CYGB: variants seen among roughly 807,000 people sequenced by gnomAD.
CYGB encodes the protein cytoglobin.
A neutral mutation model predicts 20.7 loss-of-function variants in CYGB; 13 were observed. That is an observed-to-expected ratio of 0.63 (90% CI 0.41 to 1.00). The LOEUF is 1.00. Among genes scored for constraint, CYGB ranks in the 50% least tolerant of loss-of-function variants. The pLI is 0.00. For missense variants in CYGB, 218 were observed against 257.2 expected, an observed-to-expected ratio of 0.85 and a Z score of 1.04; for synonymous variants, 93 against 107.4, an observed-to-expected ratio of 0.87 and a Z score of 0.83.
chr17:76,531,874 A>C lies in CYGB; in HGVS notation c.144-183T>G. The C allele has an allele frequency of 1.8e-6, 1 of 556,986 alleles. No homozygotes were observed. The allele number at this position is 556,986 out of a possible 1,614,324, so 34.5% of individuals were successfully genotyped here. A position where few individuals can be genotyped will look rare whatever the true frequency, so the allele number is the denominator to read the frequency against. ...CTCCTCCCTCTGGCCAAGCCGGCTC[A>C]CCCCTACCAAGTCTGGCCATGTCTA... On this transcript the variant is annotated intron_variant, in intron 1 of 3. Transcript: ENST00000293230. The surrounding 1 kb of genome is among the most constrained non-coding windows in gnomAD (Gnocchi z 7.4).
At chr17:76,544,918 C>T (rs572748485) in intron 1 of CYGB, 7 of 456,752 alleles carry the variant, frequency 1.5e-5, no homozygotes, top group South Asian at 3.1e-5. Flanking sequence ...CGAGAACCTG[C>T]GCAGGAGGTG....
chr17:76,547,727 TCA>T (rs574997747), intron 1 of CYGB, among the ~76,000 whole-genome samples: 112 of 121,660 alleles, frequency 9.2e-4, no homozygotes, highest in African/African-American at 3.0e-3. Context: ...ACACATACAT[TCA>T]CACACACACA....
chr17:76,548,072 A>G (rs1482033747), intron 1 of CYGB, among the ~76,000 whole-genome samples: 2 of 152,030 alleles, frequency 1.3e-5, no homozygotes, highest in South Asian at 2.1e-4. Context: ...ACAGACATAC[A>G]TGTACACACA....
chr17:76,540,920 C>T (rs922747497), upstream of CYGB, among the ~76,000 whole-genome samples: 7 of 152,206 alleles, frequency 4.6e-5, no homozygotes, highest in Non-Finnish European at 1.0e-4. The surrounding 1 kb of genome is among the most constrained non-coding windows in gnomAD (Gnocchi z 5.0). Flanking sequence ...TTTCCTTGCC[C>T]TTCCCCCTCC....
At chr17:76,539,113 G>T (rs911792295), upstream of CYGB, among the ~76,000 whole-genome samples, 4 of 152,074 alleles carry the variant, frequency 2.6e-5, no homozygotes, top group Non-Finnish European at 5.9e-5. Flanking sequence ...GCCTCCTGGG[G>T]GTCTTGGAGG....
intron 1 of CYGB, chr17:76,532,190 C>G (rs1379891124): frequency 6.3e-6 from 1 of 159,638 alleles, no homozygotes; most frequent in East Asian, 1.8e-4. Context: ...ACCGGGCATT[C>G]CAGACTTCTG....
chr17:76,543,812 C>G (rs953532247), intron 1 of CYGB: 20 of 470,954 alleles, frequency 4.2e-5, no homozygotes, highest in Non-Finnish European at 8.4e-5. Flanking sequence ...GTTCCCAGAG[C>G]TCATCCTGTC....
At chr17:76,544,714 G>C (rs1242596665) in intron 1 of CYGB, 1 of 456,676 alleles carries the variant, frequency 2.2e-6, no homozygotes, top group Non-Finnish European at 4.4e-6. Flanking sequence ...CTGTTCCCGG[G>C]ACCCAGTCTG....
intron 3 of CYGB, chr17:76,529,236 C>T: frequency 1.0e-6 from 1 of 985,456 alleles, no homozygotes; most frequent in African/African-American, 1.7e-5. Flanking sequence ...GCTCTGCAGG[C>T]TCAGGCCAGG....
chr17:76,537,190 T>C (rs1323318053), intron 1 of CYGB, among the ~76,000 whole-genome samples: 1 of 152,206 alleles, frequency 6.6e-6, no homozygotes, highest in Non-Finnish European at 1.5e-5. Context: ...TCCTAGATCC[T>C]GGTGAACACC....
upstream of CYGB, chr17:76,540,250 T>TGGGGGGGGGGGGGGGGGGGGGTGGGGGGG: frequency 2.2e-6 from 1 of 463,680 alleles, no homozygotes; most frequent in Non-Finnish European, 3.6e-6. This position sits in a 1 kb window ranked among gnomAD's most constrained non-coding sequence, Gnocchi z 5.0. Context: ...TGGCGGTTGG[T>TGGGGGGGGGGGGGGGGGGGGGTGGGGGGG]CGGGGGGGGG....
chr17:76,539,138 G>T (rs1040423963), upstream of CYGB, among the ~76,000 whole-genome samples: 2 of 152,026 alleles, frequency 1.3e-5, no homozygotes, highest in African/African-American at 2.4e-5. Flanking sequence ...GGAGGGGAGC[G>T]GGTGGGTTCA....
In CYGB at chr17:76,529,980, C is replaced by T. The variant is rs1460235507; in HGVS notation, c.539+999G>A. On this transcript the variant is annotated intron_variant, in intron 3 of 3. Coordinates refer to ENST00000293230, the MANE Select transcript of CYGB (RefSeq NM_134268.5). ...GCAGCAGGAAGGGCAGGAGGCCTGG[C>T]GTCCCCAGCTGCCCTCAGGGGACCT... 11 of 985,184 alleles carry T rather than the reference C, an allele frequency of 1.1e-5. No homozygotes were observed. In the East Asian group the frequency reaches 7.9e-4, roughly 71 times the overall value. The allele number at this position is 985,184 out of a possible 1,614,324, so 61.0% of individuals were successfully genotyped here. A position where few individuals can be genotyped will look rare whatever the true frequency, so the allele number is the denominator to read the frequency against.
At chr17:76,532,433 C>A (rs1005967634) in intron 1 of CYGB, among the ~76,000 whole-genome samples, 4 of 152,178 alleles carry the variant, frequency 2.6e-5, no homozygotes, top group Non-Finnish European at 5.9e-5. Context: ...ACCTTCCCTG[C>A]CCTCCTTCCA....
chr17:76,530,774 C>T lies in CYGB; in HGVS notation c.539+205G>A, dbSNP rs956024211. ...GGATTTTTGCTCAGGGCTCATGGCTCTGAGCAGCCTGAAGTCACAGGGGAG... is the reference window on the plus strand; with the variant it reads ...GGATTTTTGCTCAGGGCTCATGGCTTTGAGCAGCCTGAAGTCACAGGGGAG... On this transcript the variant is annotated intron_variant, in intron 3 of 3. Coordinates refer to ENST00000293230, the MANE Select transcript of CYGB (RefSeq NM_134268.5). This position sits in a 1 kb window ranked among gnomAD's most constrained non-coding sequence, Gnocchi z 6.1. Among the ~76,000 whole-genome samples, 2 of 152,104 alleles carry T rather than the reference C, an allele frequency of 1.3e-5. No individual in the cohort carries two copies. Among genetic ancestry groups the T allele is most frequent in the Admixed American group, 1.3e-4 (2 of 15,284 alleles).
In CYGB at chr17:76,527,640, CCCTCGGA is replaced by C; in HGVS notation, c.*931_*937del. 2.2e-6 allele frequency: 1 copy of C among 453,836 alleles called. No individual in the cohort carries two copies. Among genetic ancestry groups the C allele is most frequent in the Non-Finnish European group, 4.4e-6 (1 of 226,588 alleles). 28.1% of individuals were successfully genotyped at this position (453,836 alleles called of 1,614,324 possible). ...AGGGTGGGGTGGGGAAAGCCCTCGGCCCTCGGAGCTGAGGGTGAGACCCAGGCATGTG... is the reference window on the plus strand; with the variant it reads ...AGGGTGGGGTGGGGAAAGCCCTCGGCGCTGAGGGTGAGACCCAGGCATGTG... On this transcript the variant is annotated 3_prime_UTR_variant, in exon 4 of 4. Transcript: ENST00000293230.
chr17:76,544,387 A>G (rs1201854920), intron 1 of CYGB: 1 of 454,858 alleles, frequency 2.2e-6, no homozygotes. Context: ...GATGCCGCAG[A>G]GCAGAGGGAA....
chr17:76,540,036 C>T (rs547310148), upstream of CYGB: 247 of 1,205,688 alleles, frequency 2.0e-4, no homozygotes, highest in African/African-American at 3.4e-3. This position sits in a 1 kb window ranked among gnomAD's most constrained non-coding sequence, Gnocchi z 5.0. Context: ...CAGCAGGAAC[C>T]GCAGGACAGA....
chr17:76,529,208 G>C lies in CYGB; in HGVS notation c.540-597C>G, dbSNP rs1039771657. 117 of 985,408 alleles carry C rather than the reference G, an allele frequency of 1.2e-4. No individual in the cohort carries two copies. In the Middle Eastern group the frequency reaches 1.6e-3, roughly 13 times the overall value. 61.0% of individuals were successfully genotyped at this position (985,408 alleles called of 1,614,324 possible). ...TCCATCCTACCCTCGAGCCCATGGGGACCCTGGCAGCAGGGAGGCTCTGCA... is the reference window on the plus strand; with the variant it reads ...TCCATCCTACCCTCGAGCCCATGGGCACCCTGGCAGCAGGGAGGCTCTGCA... On this transcript the variant is annotated intron_variant, in intron 3 of 3. Coordinates refer to ENST00000293230, the MANE Select transcript of CYGB (RefSeq NM_134268.5).
Sources: allele counts gnomAD v4.1 joint callset (sites outside exome capture counted in the v4.1 genomes callset), GRCh38; gene constraint gnomAD v4.1.1; non-coding constraint Gnocchi (gnomAD v3.1); transcripts MANE v1.5; gene names NCBI Gene and HGNC (gene_info 2026-07-23, HGNC 2026-07-21).